Variants in MSH3 observed in about 807,000 individuals in gnomAD.
MSH3 encodes mutS homolog 3.
MSH3 carries 106 observed loss-of-function variants against 123.3 expected under a neutral mutation model. The ratio of observed to expected loss-of-function variants is 0.86; its 90% CI spans 0.73 to 1.01. The LOEUF is 1.01. Among genes scored for constraint, MSH3 ranks in the 50% least tolerant of loss-of-function variants. The pLI is 0.00. For synonymous variants in MSH3, 515 were observed against 481.4 expected (o/e 1.07, Z -0.91); for missense variants, 1,459 against 1,347.6 (o/e 1.08, Z -1.29).
At chr5:80,804,053 C>G (rs1222071460) in intron 19 of MSH3, among the ~76,000 whole-genome samples, 1 of 152,108 alleles carries the variant, frequency 6.6e-6, no homozygotes, top group Non-Finnish European at 1.5e-5. Flanking sequence ...TTTGTGTTTC[C>G]ATATAAATTT....
intron 2 of MSH3, among the ~76,000 whole-genome samples, chr5:80,664,605 G>C (rs1749521459): frequency 6.6e-6 from 1 of 152,132 alleles, no homozygotes; most frequent in Non-Finnish European, 1.5e-5. Context: ...CTTGGAGTAT[G>C]GTAGGGGTTT....
intron 6 of MSH3, 53 bp downstream of exon 6, chr5:80,672,911 G>A (rs185557248): frequency 7.2e-7 from 1 of 1,391,556 alleles, no homozygotes; most frequent in Non-Finnish European, 1.0e-6. Flanking sequence ...GGCTTTGTTG[G>A]CAGGTTTTGT....
At chr5:80,702,590 CAGT>C (rs1165811414) in intron 8 of MSH3, among the ~76,000 whole-genome samples, 1 of 152,030 alleles carries the variant, frequency 6.6e-6, no homozygotes, top group Non-Finnish European at 1.5e-5. Context: ...GTTTTATAGA[CAGT>C]AGCACAGCTG....
intron 4 of MSH3, 111 bp downstream of exon 4, chr5:80,670,420 A>C (rs1749678662): frequency 8.9e-7 from 1 of 1,121,396 alleles, no homozygotes; most frequent in African/African-American, 1.6e-5. Context: ...TTGATCAATC[A>C]CCTTTTAAAA....
At chr5:80,784,246 TA>T in intron 17 of MSH3, among the ~76,000 whole-genome samples, 1 of 100,016 alleles carries the variant, frequency 1.0e-5, no homozygotes, top group South Asian at 3.3e-4. Context: ...AAAAGGGAAA[TA>T]AATAAATAAA....
chr5:80,821,569 A>G (rs1486418119), intron 20 of MSH3, among the ~76,000 whole-genome samples: 1 of 152,254 alleles, frequency 6.6e-6, no homozygotes, highest in Non-Finnish European at 1.5e-5. Context: ...AAAAAGAAAT[A>G]TGCAGATTAT....
intron 20 of MSH3, among the ~76,000 whole-genome samples, chr5:80,838,000 A>G (rs1257075716): frequency 6.6e-6 from 1 of 152,218 alleles, no homozygotes; most frequent in African/African-American, 2.4e-5. Flanking sequence ...TGCAGATCAC[A>G]TGGCCCTCTC....
intron 22 of MSH3, 93 bp downstream of exon 22, chr5:80,865,035 T>C: frequency 8.2e-7 from 1 of 1,223,752 alleles, no homozygotes; most frequent in Non-Finnish European, 1.2e-6. Context: ...TTATTAATAA[T>C]GAAAGCTGTG....
At chr5:80,809,257 GGC>G (rs1744964007) in intron 19 of MSH3, among the ~76,000 whole-genome samples, 1 of 151,978 alleles carries the variant, frequency 6.6e-6, no homozygotes, top group South Asian at 2.1e-4. Flanking sequence ...TTTAGCCAAT[GGC>G]TAAGCCAGAA....
chr5:80,707,031 C>T lies in MSH3; in HGVS notation c.1341-18422C>T, dbSNP rs1750741892. Reference sequence around the variant, plus strand: ...TTTGCCTTTTTGCAGTGGTTTTCTCCCCACCTCCACCTCCCACTCCAAGCA... The same window carrying T: ...TTTGCCTTTTTGCAGTGGTTTTCTCTCCACCTCCACCTCCCACTCCAAGCA... On this transcript the variant is annotated intron_variant, in intron 8 of 23. Coordinates refer to ENST00000265081, the MANE Select transcript of MSH3 (RefSeq NM_002439.5). Among the ~76,000 whole-genome samples the T allele has an allele frequency of 2.0e-5, 3 of 152,160 alleles. No homozygotes were observed. The South Asian group carries it at 6.2e-4, about 31-fold the overall frequency.
chr5:80,723,917 C>T (rs867519368), intron 8 of MSH3, among the ~76,000 whole-genome samples: 13 of 152,052 alleles, frequency 8.5e-5, no homozygotes, highest in Admixed American at 2.6e-4. Context: ...CATGTGCTAC[C>T]GTGCCTGGCT....
chr5:80,709,347 C>T (rs1469239457), intron 8 of MSH3, among the ~76,000 whole-genome samples: 3 of 151,584 alleles, frequency 2.0e-5, no homozygotes, highest in Middle Eastern at 3.2e-3. Context: ...GGGCCGGGTG[C>T]GGTGGTGGCT....
At chr5:80,747,594 C>G (rs1017826564) in intron 12 of MSH3, among the ~76,000 whole-genome samples, 1 of 152,132 alleles carries the variant, frequency 6.6e-6, no homozygotes, top group Non-Finnish European at 1.5e-5. Context: ...GCACTTGCAA[C>G]GTATTCCAAA....
intron 22 of MSH3, among the ~76,000 whole-genome samples, chr5:80,872,833 C>A (rs1018162492): frequency 1.3e-5 from 2 of 152,100 alleles, no homozygotes; most frequent in African/African-American, 4.8e-5. Context: ...TAAAAACATT[C>A]TCTTTTTAAT....
At chr5:80,717,222 C>T (rs913120032) in intron 8 of MSH3, among the ~76,000 whole-genome samples, 1 of 152,050 alleles carries the variant, frequency 6.6e-6, no homozygotes, top group Non-Finnish European at 1.5e-5. Flanking sequence ...TGAATGTATA[C>T]CCAGTAGTGA....
chr5:80,862,624 G>C (rs1397398682), intron 21 of MSH3, among the ~76,000 whole-genome samples: 3 of 152,090 alleles, frequency 2.0e-5, no homozygotes, highest in Non-Finnish European at 2.9e-5. Flanking sequence ...GCCAGGCATA[G>C]TGGTGCACAC....
intron 8 of MSH3, among the ~76,000 whole-genome samples, chr5:80,713,363 G>C (rs937516497): frequency 6.6e-6 from 1 of 152,212 alleles, no homozygotes; most frequent in African/African-American, 2.4e-5. Flanking sequence ...TGTTACATGT[G>C]AAAAGGATTT....
intron 19 of MSH3, among the ~76,000 whole-genome samples, chr5:80,801,661 G>A (rs1272620004): frequency 6.6e-6 from 1 of 152,126 alleles, no homozygotes; most frequent in South Asian, 2.1e-4. Context: ...TCATGCAAAC[G>A]AATTCCACAA....
At chr5:80,716,916 G>A (rs78621558) in intron 8 of MSH3, among the ~76,000 whole-genome samples, 3,823 of 152,152 alleles carry the variant, frequency 0.025, 61 homozygotes, top group Non-Finnish European at 0.037. Context: ...ACCTCTATGA[G>A]ATCAACTTTT....
Sources: gnomAD v4.1 joint callset for allele counts (sites outside exome capture counted in the v4.1 genomes callset) on GRCh38, gnomAD v4.1.1 for gene constraint, MANE v1.5 for transcripts, NCBI Gene and HGNC (gene_info 2026-07-23, HGNC 2026-07-21) for gene names.